The following LPAR1 variants were observed in gnomAD, a reference collection of about 807,000 sequenced individuals.
The protein encoded by LPAR1 is lysophosphatidic acid receptor 1, also known as LPA receptor 1.
A neutral mutation model predicts 23.8 loss-of-function variants in LPAR1; 5 were observed. That is an observed-to-expected ratio of 0.21 (90% CI 0.11 to 0.44). The LOEUF is 0.44. Among genes scored for constraint, LPAR1 ranks in the 20% least tolerant of loss-of-function variants. The probability of loss-of-function intolerance (pLI) is 0.99; values close to 1 mark genes in which losing one functional copy is unlikely to be tolerated. For missense variants in LPAR1, 311 were observed against 482.8 expected (o/e 0.64, Z 3.33); for synonymous variants, 160 against 164.7 (o/e 0.97, Z 0.22).
intron 2 of LPAR1, among the ~76,000 whole-genome samples, chr9:111,000,394 G>A (rs1210821140): frequency 3.3e-5 from 5 of 152,212 alleles, no homozygotes; most frequent in Middle Eastern, 6.8e-3. Context: ...CACTTTGATC[G>A]GGTGACTTCT....
intron 2 of LPAR1, 129 bp downstream of exon 2, chr9:111,035,993 A>G (rs2097886051): frequency 6.6e-6 from 1 of 152,244 alleles, no homozygotes; most frequent in South Asian, 2.1e-4. Context: ...TCACTAATGG[A>G]ATAGATTCAG....
intron 5 of LPAR1, among the ~76,000 whole-genome samples, chr9:110,890,669 A>G (rs914624300): frequency 6.6e-6 from 1 of 152,330 alleles, no homozygotes; most frequent in East Asian, 1.9e-4. Context: ...AGCAGGAAGT[A>G]CCACCTTTCT....
intron 2 of LPAR1, among the ~76,000 whole-genome samples, chr9:111,029,693 T>C (rs1253817755): frequency 6.6e-6 from 1 of 152,090 alleles, no homozygotes; most frequent in Non-Finnish European, 1.5e-5. Flanking sequence ...TTTGAGTCCA[T>C]ATCGCTCCAT....
At chr9:111,030,620 G>A (rs1024876867) in intron 2 of LPAR1, among the ~76,000 whole-genome samples, 3 of 152,124 alleles carry the variant, frequency 2.0e-5, no homozygotes, top group Non-Finnish European at 2.9e-5. Flanking sequence ...TCCTCCCGTC[G>A]TCTGAGACCC....
intron 2 of LPAR1, among the ~76,000 whole-genome samples, chr9:111,016,920 T>C (rs1029619440): frequency 3.9e-5 from 6 of 152,156 alleles, no homozygotes; most frequent in African/African-American, 1.4e-4. Context: ...TTTAACCCCA[T>C]TGTCACATTC....
chr9:110,984,074 C>T (rs1032402468), intron 2 of LPAR1, among the ~76,000 whole-genome samples: 7 of 151,854 alleles, frequency 4.6e-5, no homozygotes, highest in African/African-American at 1.2e-4. Flanking sequence ...TAAATGGGTA[C>T]GCATCACCTC....
intron 5 of LPAR1, among the ~76,000 whole-genome samples, chr9:110,878,833 T>A (rs2079867343): frequency 6.6e-6 from 1 of 152,152 alleles, no homozygotes; most frequent in African/African-American, 2.4e-5. Flanking sequence ...AAGAAAGAGC[T>A]GGCATGTCAA....
chr9:110,961,334 T>C (rs1437085178), intron 4 of LPAR1, among the ~76,000 whole-genome samples: 1 of 147,982 alleles, frequency 6.8e-6, no homozygotes, highest in Non-Finnish European at 1.5e-5. Context: ...AAAAAAGAGG[T>C]TTAGGGCCAG....
At chr9:111,011,297 G>A (rs1008990439) in intron 2 of LPAR1, among the ~76,000 whole-genome samples, 4 of 152,144 alleles carry the variant, frequency 2.6e-5, no homozygotes, top group African/African-American at 9.7e-5. Flanking sequence ...AAACTTCTGA[G>A]GTCTAGTTCT....
At chr9:110,980,768 G>C (rs989951547) in intron 2 of LPAR1, among the ~76,000 whole-genome samples, 5 of 152,036 alleles carry the variant, frequency 3.3e-5, no homozygotes, top group Non-Finnish European at 7.4e-5. Context: ...CAAATAGCTA[G>C]AAGAGAGGAC....
intron 4 of LPAR1, among the ~76,000 whole-genome samples, chr9:110,962,480 G>C (rs1384794421): frequency 6.6e-6 from 1 of 152,112 alleles, no homozygotes; most frequent in Non-Finnish European, 1.5e-5. Flanking sequence ...GCAAATGTTT[G>C]ATATCACCTG....
At chr9:110,991,820 T>C (rs2096900951) in intron 2 of LPAR1, among the ~76,000 whole-genome samples, 1 of 152,130 alleles carries the variant, frequency 6.6e-6, no homozygotes. Flanking sequence ...CTCAAACTCC[T>C]GACCTCAGGT....
At chr9:110,936,376 C>T (rs2135940846) in intron 5 of LPAR1, among the ~76,000 whole-genome samples, 1 of 152,326 alleles carries the variant, frequency 6.6e-6, no homozygotes, top group South Asian at 2.1e-4. Context: ...CCACTTTCGT[C>T]ACCACTGGTG....
Position 111,038,275 on chromosome 9 carries a change from C to T in LPAR1, c.-370G>A, listed in dbSNP as rs2097936736. 1.3e-5 allele frequency: 2 copies of T among 148,424 alleles called. No individual in the cohort carries two copies. The highest frequency in any genetic ancestry group is 4.9e-5 in the African/African-American group (2 of 41,064). The allele number at this position is 148,424 out of a possible 1,614,324, so 9.2% of individuals were successfully genotyped here. A position where few individuals can be genotyped will look rare whatever the true frequency, so the allele number is the denominator to read the frequency against. ...CCCACCGCCAGCCGAGCCCGGCCCT[C>T]CGCCCGCCCCTCGGCAGTCGCCCAG... On this transcript the variant is annotated 5_prime_UTR_variant, in exon 1 of 6. Transcript: ENST00000683809. This position sits in a 1 kb window ranked among gnomAD's most constrained non-coding sequence, Gnocchi z 4.4.
At chr9:111,012,467 GCGCACACA>G (rs2097351071) in intron 2 of LPAR1, among the ~76,000 whole-genome samples, 1 of 112,314 alleles carries the variant, frequency 8.9e-6, no homozygotes, top group Non-Finnish European at 1.9e-5. Flanking sequence ...GTACGCACGC[GCGCACACA>G]CACACACACA....
At chr9:110,981,213 C>T (rs927594380) in intron 2 of LPAR1, among the ~76,000 whole-genome samples, 3 of 152,032 alleles carry the variant, frequency 2.0e-5, no homozygotes, top group East Asian at 1.9e-4. Flanking sequence ...AAATAAAGCA[C>T]ATACATTTCT....
intron 4 of LPAR1, among the ~76,000 whole-genome samples, chr9:110,964,853 CTTTTTTT>C (rs35426082): frequency 7.5e-5 from 5 of 67,072 alleles, no homozygotes; most frequent in African/African-American, 1.8e-4. Flanking sequence ...ACACCAATCA[CTTTTTTT>C]TTTTTTTTTT....
At chr9:110,946,922 T>C (rs529937599) in intron 4 of LPAR1, among the ~76,000 whole-genome samples, 1 of 152,304 alleles carries the variant, frequency 6.6e-6, no homozygotes, top group Non-Finnish European at 1.5e-5. Context: ...ATTAATTTTC[T>C]CTTATTACTC....
At chr9:110,956,188 G>A (rs1439247119) in intron 4 of LPAR1, among the ~76,000 whole-genome samples, 1 of 149,068 alleles carries the variant, frequency 6.7e-6, no homozygotes, top group Non-Finnish European at 1.5e-5. Context: ...GTTGAACAAG[G>A]CGAACACATG....
Sources: allele counts gnomAD v4.1 joint callset (sites outside exome capture counted in the v4.1 genomes callset), GRCh38; gene constraint gnomAD v4.1.1; non-coding constraint Gnocchi (gnomAD v3.1); transcripts MANE v1.5; gene names NCBI Gene and HGNC (gene_info 2026-07-23, HGNC 2026-07-21).